Variants in NR3C2 observed in about 807,000 individuals in gnomAD.
The protein encoded by NR3C2 is nuclear receptor subfamily 3 group C member 2.
In NR3C2, 15 loss-of-function variants were observed where a neutral mutation model predicts 86.4. That is an observed-to-expected ratio of 0.17 (90% CI 0.12 to 0.27). The LOEUF (loss-of-function observed/expected upper bound fraction) is 0.27. Among genes scored for constraint, NR3C2 ranks in the 10% least tolerant of loss-of-function variants. The pLI, the probability that NR3C2 is intolerant of heterozygous loss-of-function variation, is 1.00. For synonymous variants in NR3C2, 458 were observed against 450.5 expected (o/e 1.02, Z -0.21); for missense variants, 960 against 1,195.6 (o/e 0.80, Z 2.91).
At chr4:148,082,665 G>GGTT (rs763688529) in intron 8 of NR3C2, among the ~76,000 whole-genome samples, 89 of 130,932 alleles carry the variant, frequency 6.8e-4, no homozygotes, top group Non-Finnish European at 1.2e-3. Context: ...GCTAGCTGCA[G>GGTT]TTTTTTTTTT....
At chr4:148,405,113 A>AT (rs1377594648) in intron 2 of NR3C2, among the ~76,000 whole-genome samples, 4 of 152,342 alleles carry the variant, frequency 2.6e-5, no homozygotes, top group African/African-American at 7.2e-5. Flanking sequence ...AAAATCCAAA[A>AT]TAAACTTATT....
At chr4:148,360,928 C>T (rs1745803897) in intron 2 of NR3C2, among the ~76,000 whole-genome samples, 1 of 152,192 alleles carries the variant, frequency 6.6e-6, no homozygotes, top group South Asian at 2.1e-4. Flanking sequence ...AAGTGTATGA[C>T]TGGCCACAGC....
At chr4:148,202,291 G>A (rs1026258289) in intron 3 of NR3C2, among the ~76,000 whole-genome samples, 4 of 152,202 alleles carry the variant, frequency 2.6e-5, no homozygotes, top group African/African-American at 7.2e-5. Context: ...CCAGGGGGAG[G>A]AAGCTCCAAG....
chr4:148,200,622 G>T (rs1265921255), intron 3 of NR3C2, among the ~76,000 whole-genome samples: 1 of 152,116 alleles, frequency 6.6e-6, no homozygotes, highest in African/African-American at 2.4e-5. Flanking sequence ...CTTTAGAGAA[G>T]TTACTTAGCC....
chr4:148,187,544 T>C (rs2149796458), intron 4 of NR3C2, among the ~76,000 whole-genome samples: 1 of 147,586 alleles, frequency 6.8e-6, no homozygotes. Context: ...CATTTTTGGA[T>C]GGGATTTTTT....
chr4:148,140,625 T>C (rs939022410), intron 6 of NR3C2, among the ~76,000 whole-genome samples: 46 of 152,336 alleles, frequency 3.0e-4, no homozygotes, highest in Non-Finnish European at 5.9e-5. Flanking sequence ...CCCTTGAGCA[T>C]GTTAACTGAA....
At position 148,240,833 on chromosome 4, in the gene NR3C2, G is replaced by A. The variant is rs750314678; in HGVS notation, c.1897+19145C>T. Among the ~76,000 whole-genome samples the A allele has an allele frequency of 3.9e-5, 6 of 152,288 alleles. No individual in the cohort carries two copies. The East Asian group carries it at 1.2e-3, about 29-fold the overall frequency. ...TGCAGGAAGCAAGTCTTCAGCCTTA[G>A]TTACCTCACCTGGGAAATGGTGGAA... On this transcript the variant is annotated intron_variant, in intron 3 of 8. Coordinates refer to ENST00000358102, the MANE Select transcript of NR3C2 (RefSeq NM_000901.5).
intron 3 of NR3C2, among the ~76,000 whole-genome samples, chr4:148,246,882 C>T (rs556694269): frequency 1.3e-5 from 2 of 152,212 alleles, no homozygotes; most frequent in South Asian, 4.2e-4. Context: ...AGGGAAGTTG[C>T]TTAAAGGAAC....
At chr4:148,394,405 C>T (rs192975650) in intron 2 of NR3C2, among the ~76,000 whole-genome samples, 1 of 151,664 alleles carries the variant, frequency 6.6e-6, no homozygotes, top group East Asian at 1.9e-4. Flanking sequence ...AACAACCAGG[C>T]ATGGTAACTC....
Position 148,318,121 on chromosome 4 carries a change from C to T in NR3C2, c.1758-58004G>A, listed in dbSNP as rs543851775. Among the ~76,000 whole-genome samples the T allele has an allele frequency of 1.9e-3, 290 of 149,554 alleles. 1 individual carries two copies. Among genetic ancestry groups the T allele is most frequent in the African/African-American group, 5.6e-3 (226 of 40,528 alleles). On this transcript the variant is annotated intron_variant, in intron 2 of 8. Coordinates refer to ENST00000358102, the MANE Select transcript of NR3C2 (RefSeq NM_000901.5). ...ATTCCCACCTATGAGTGAGAATATG[C>T]GGTGTTTGGTTTTTTGTTCTTGCCA...
chr4:148,255,134 T>G (rs1295355236), intron 3 of NR3C2, among the ~76,000 whole-genome samples: 4 of 152,090 alleles, frequency 2.6e-5, no homozygotes, highest in Admixed American at 1.3e-4. Flanking sequence ...CTCTTGCTCA[T>G]GAGTGTGTGC....
chr4:148,276,931 T>TA (rs1740990055), intron 2 of NR3C2, among the ~76,000 whole-genome samples: 1 of 152,234 alleles, frequency 6.6e-6, no homozygotes, highest in Admixed American at 6.5e-5. Flanking sequence ...TTACTCCAGT[T>TA]AAAATGCCTG....
chr4:148,444,440 G>A, upstream of NR3C2: 1 of 986,116 alleles, frequency 1.0e-6, no homozygotes, highest in African/African-American at 1.7e-5. Flanking sequence ...CCCTGGGCGC[G>A]CAACCTGCCT....
chr4:148,086,427 A>G (rs1049795745), intron 8 of NR3C2, among the ~76,000 whole-genome samples: 4 of 152,192 alleles, frequency 2.6e-5, no homozygotes, highest in African/African-American at 7.2e-5. Context: ...AAAATTTAAC[A>G]TGGCTTCATG....
chr4:148,390,679 G>A (rs1747499747), intron 2 of NR3C2, among the ~76,000 whole-genome samples: 1 of 152,150 alleles, frequency 6.6e-6, no homozygotes, highest in Non-Finnish European at 1.5e-5. Flanking sequence ...ACTGGCATAA[G>A]ACGGTTGATT....
chr4:148,324,966 T>C (rs1469772495), intron 2 of NR3C2, among the ~76,000 whole-genome samples: 5 of 152,150 alleles, frequency 3.3e-5, no homozygotes, highest in African/African-American at 1.2e-4. Context: ...TACATGGGCA[T>C]GAGAGAGAAA....
At chr4:148,326,453 G>C (rs1354359807) in intron 2 of NR3C2, among the ~76,000 whole-genome samples, 1 of 151,860 alleles carries the variant, frequency 6.6e-6, no homozygotes, top group East Asian at 1.9e-4. Context: ...TATTTTTGAA[G>C]CATCTGTATA....
chr4:148,410,105 T>C (rs964865414), intron 2 of NR3C2, among the ~76,000 whole-genome samples: 1 of 152,190 alleles, frequency 6.6e-6, no homozygotes, highest in African/African-American at 2.4e-5. Flanking sequence ...AATGTTTATT[T>C]TTCAATGTTT....
intron 2 of NR3C2, among the ~76,000 whole-genome samples, chr4:148,417,551 G>A (rs1749074059): frequency 6.6e-6 from 1 of 152,118 alleles, no homozygotes; most frequent in Non-Finnish European, 1.5e-5. Flanking sequence ...TAGACTAGAT[G>A]GCAACATATG....
Sources: gnomAD v4.1 joint callset for allele counts (sites outside exome capture counted in the v4.1 genomes callset) on GRCh38, gnomAD v4.1.1 for gene constraint, MANE v1.5 for transcripts, NCBI Gene and HGNC (gene_info 2026-07-23, HGNC 2026-07-21) for gene names.